The following TRPC7 variants were observed in gnomAD, a reference collection of about 807,000 sequenced individuals.
TRPC7 encodes short transient receptor potential channel 7.
In TRPC7, 42 loss-of-function variants were observed where a neutral mutation model predicts 90.1. The observed-to-expected ratio is 0.47, with a 90% CI of 0.36 to 0.60. The LOEUF (loss-of-function observed/expected upper bound fraction) is 0.60. Among genes scored for constraint, TRPC7 ranks in the 20% least tolerant of loss-of-function variants. The probability of loss-of-function intolerance (pLI) is 0.00; values close to 1 mark genes in which losing one functional copy is unlikely to be tolerated. For missense variants in TRPC7, 955 were observed against 1,112.3 expected (o/e 0.86, Z 2.01); for synonymous variants, 451 against 436.3 (o/e 1.03, Z -0.42).
At chr5:136,248,184 G>A (rs1756406581) in intron 6 of TRPC7, among the ~76,000 whole-genome samples, 1 of 152,226 alleles carries the variant, frequency 6.6e-6, no homozygotes, top group African/African-American at 2.4e-5. Context: ...GAGGCAGCGC[G>A]AGGAATAAGA....
intron 3 of TRPC7, among the ~76,000 whole-genome samples, chr5:136,278,039 G>A (rs1757422288): frequency 6.6e-6 from 1 of 152,226 alleles, no homozygotes; most frequent in South Asian, 2.1e-4. Context: ...AACTGAGATG[G>A]ACTGTCCAAG....
intron 3 of TRPC7, among the ~76,000 whole-genome samples, chr5:136,301,881 TC>T (rs1337513359): frequency 6.6e-6 from 1 of 152,156 alleles, no homozygotes; most frequent in Non-Finnish European, 1.5e-5. Flanking sequence ...GGGAGATCAA[TC>T]CCCCGTCTTC....
intron 3 of TRPC7, among the ~76,000 whole-genome samples, chr5:136,297,814 A>G (rs148628581): frequency 0.013 from 1,990 of 152,298 alleles, 28 homozygotes; most frequent in Middle Eastern, 0.027. Flanking sequence ...CCACTATCAC[A>G]TCATGGACTG....
chr5:136,307,634 C>T (rs1758683694), intron 3 of TRPC7, among the ~76,000 whole-genome samples: 1 of 152,196 alleles, frequency 6.6e-6, no homozygotes, highest in Admixed American at 6.5e-5. Flanking sequence ...CCTCCAAGGA[C>T]ATTAGAGACA....
intron 1 of TRPC7, among the ~76,000 whole-genome samples, chr5:136,359,203 G>T (rs1295774441): frequency 6.6e-6 from 1 of 152,166 alleles, no homozygotes; most frequent in Admixed American, 6.5e-5. Context: ...CTCCTTGGGG[G>T]CCGTATGTCT....
At chr5:136,318,745 C>A (rs1447942273) in intron 2 of TRPC7, among the ~76,000 whole-genome samples, 2 of 152,150 alleles carry the variant, frequency 1.3e-5, no homozygotes, top group Non-Finnish European at 2.9e-5. Flanking sequence ...CAACTACCAC[C>A]TCCTATATGT....
At chr5:136,305,734 A>G (rs904929839) in intron 3 of TRPC7, among the ~76,000 whole-genome samples, 2 of 152,166 alleles carry the variant, frequency 1.3e-5, no homozygotes, top group Non-Finnish European at 2.9e-5. Context: ...TTTATTAGTC[A>G]AATCAGCCAA....
intron 3 of TRPC7, among the ~76,000 whole-genome samples, chr5:136,292,509 T>C (rs1476062627): frequency 1.3e-5 from 2 of 152,160 alleles, no homozygotes; most frequent in Admixed American, 1.3e-4. Context: ...GAGAATACTA[T>C]AAACACCTCT....
chr5:136,278,269 T>A (rs1425310607), intron 3 of TRPC7, among the ~76,000 whole-genome samples: 4 of 152,256 alleles, frequency 2.6e-5, no homozygotes, highest in African/African-American at 4.8e-5. Context: ...GGAGGGCTCC[T>A]GTGGTCTTTA....
intron 4 of TRPC7, among the ~76,000 whole-genome samples, chr5:136,274,167 A>G (rs1002556105): frequency 6.6e-6 from 1 of 152,184 alleles, no homozygotes; most frequent in Admixed American, 6.5e-5. Context: ...CCCCAGCATG[A>G]GCTGTGTTTG....
In TRPC7 at chr5:136,236,656, G is replaced by A. The variant is rs147355615; in HGVS notation, c.1845-5107C>T. On this transcript the variant is annotated intron_variant, in intron 7 of 11. Coordinates refer to ENST00000513104, the MANE Select transcript of TRPC7 (RefSeq NM_020389.3). ...TTGTCATGCAGACAGCAGGGACGAGGTAATCAGTTCTCCACCAGGTCTGTC... is the reference window on the plus strand; with the variant it reads ...TTGTCATGCAGACAGCAGGGACGAGATAATCAGTTCTCCACCAGGTCTGTC... Among the ~76,000 whole-genome samples the A allele has an allele frequency of 3.3e-5, 5 of 152,316 alleles. No individual in the cohort carries two copies. The East Asian group carries it at 9.6e-4, about 29-fold the overall frequency.
chr5:136,249,275 A>C (rs915348265), intron 6 of TRPC7, among the ~76,000 whole-genome samples: 4 of 152,190 alleles, frequency 2.6e-5, no homozygotes, highest in Non-Finnish European at 5.9e-5. Context: ...AATAATTATA[A>C]TAATAGAGAG....
intron 7 of TRPC7, among the ~76,000 whole-genome samples, chr5:136,234,476 AT>A: frequency 6.6e-6 from 1 of 151,910 alleles, no homozygotes; most frequent in East Asian, 1.9e-4. Flanking sequence ...TGCCCAGCTA[AT>A]TTTTGTATTT....
intron 10 of TRPC7, among the ~76,000 whole-genome samples, chr5:136,221,385 G>A (rs769791556): frequency 9.2e-5 from 14 of 152,204 alleles, no homozygotes; most frequent in African/African-American, 2.2e-4. Flanking sequence ...CCCTACATCC[G>A]GAGAGGAAGG....
At chr5:136,303,036 T>C (rs1758458989) in intron 3 of TRPC7, among the ~76,000 whole-genome samples, 2 of 152,112 alleles carry the variant, frequency 1.3e-5, no homozygotes, top group Admixed American at 1.3e-4. Flanking sequence ...AATCCTTTTA[T>C]CACCTCCCCT....
chr5:136,337,028 C>G (rs1759688004), intron 2 of TRPC7, among the ~76,000 whole-genome samples: 1 of 152,180 alleles, frequency 6.6e-6, no homozygotes, highest in African/African-American at 2.4e-5. Context: ...GGAGGCTCAC[C>G]TATTAAGGCC....
intron 10 of TRPC7, among the ~76,000 whole-genome samples, chr5:136,218,591 G>A (rs113125990): frequency 1.3e-5 from 2 of 152,128 alleles, no homozygotes; most frequent in Non-Finnish European, 2.9e-5. Flanking sequence ...AGGTGCAGCC[G>A]GAATTACAGC....
intron 3 of TRPC7, among the ~76,000 whole-genome samples, chr5:136,292,921 C>A (rs1385826991): frequency 6.6e-6 from 1 of 152,166 alleles, no homozygotes; most frequent in African/African-American, 2.4e-5. Flanking sequence ...TCGAATCCAG[C>A]AACACATCAA....
intron 2 of TRPC7, among the ~76,000 whole-genome samples, chr5:136,341,933 A>G (rs1367035223): frequency 2.6e-5 from 4 of 152,196 alleles, no homozygotes; most frequent in African/African-American, 7.2e-5. Flanking sequence ...CGTTTTAAGA[A>G]CAAGTCTCTG....
Sources: allele counts gnomAD v4.1 joint callset (sites outside exome capture counted in the v4.1 genomes callset), GRCh38; gene constraint gnomAD v4.1.1; transcripts MANE v1.5; gene names NCBI Gene and HGNC (gene_info 2026-07-23, HGNC 2026-07-21).